Variants in CTNND2 observed in about 807,000 individuals in gnomAD.
CTNND2 encodes catenin delta 2.
A neutral mutation model predicts 144.4 loss-of-function variants in CTNND2; 22 were observed. The observed-to-expected ratio is 0.15, with a 90% CI of 0.11 to 0.22. The LOEUF is 0.22. CTNND2 is among the 10% of genes least tolerant of loss of function. The pLI is 1.00. For missense variants in CTNND2, 1,353 were observed against 1,618.8 expected, an observed-to-expected ratio of 0.84 and a Z score of 2.82; for synonymous variants, 751 against 695.6, an observed-to-expected ratio of 1.08 and a Z score of -1.25.
intron 1 of CTNND2, among the ~76,000 whole-genome samples, chr5:11,775,025 T>C (rs1452737629): frequency 6.6e-6 from 1 of 152,106 alleles, no homozygotes; most frequent in African/African-American, 2.4e-5. Flanking sequence ...ATAGTCACAG[T>C]CATCAAAGAC....
At chr5:11,893,220 C>A (rs908717824) in intron 1 of CTNND2, among the ~76,000 whole-genome samples, 1 of 152,084 alleles carries the variant, frequency 6.6e-6, no homozygotes, top group African/African-American at 2.4e-5. Context: ...AGAATCGGCA[C>A]ATGGAGAAAG....
chr5:11,346,150 T>C (rs1298684802), intron 9 of CTNND2, among the ~76,000 whole-genome samples: 1 of 152,162 alleles, frequency 6.6e-6, no homozygotes, highest in East Asian at 1.9e-4. Context: ...CACATATAGA[T>C]ACTCTGATCA....
intron 9 of CTNND2, among the ~76,000 whole-genome samples, chr5:11,339,929 T>C (rs1475439010): frequency 6.6e-6 from 1 of 152,230 alleles, no homozygotes; most frequent in East Asian, 1.9e-4. Flanking sequence ...AAGAAATTAA[T>C]ACACTATGGT....
intron 1 of CTNND2, among the ~76,000 whole-genome samples, chr5:11,819,970 G>C (rs1006183967): frequency 6.6e-6 from 1 of 152,170 alleles, no homozygotes; most frequent in African/African-American, 2.4e-5. Flanking sequence ...TCAGCCTTTA[G>C]CTTTCTCCTG....
chr5:11,355,506 G>A (rs771301190), intron 8 of CTNND2, among the ~76,000 whole-genome samples: 1 of 151,974 alleles, frequency 6.6e-6, no homozygotes, highest in African/African-American at 2.4e-5. Flanking sequence ...ATTAGGTATA[G>A]AAAGTGTGTA....
At chr5:11,805,758 A>G (rs1378912446) in intron 1 of CTNND2, among the ~76,000 whole-genome samples, 1 of 152,176 alleles carries the variant, frequency 6.6e-6, no homozygotes, top group Non-Finnish European at 1.5e-5. Flanking sequence ...CGTAACTCAC[A>G]TAGAACATAG....
At chr5:11,412,542 T>A (rs555957535) in intron 3 of CTNND2, among the ~76,000 whole-genome samples, 1 of 152,116 alleles carries the variant, frequency 6.6e-6, no homozygotes, top group African/African-American at 2.4e-5. Flanking sequence ...TTTAAGAGTT[T>A]AAGTAATTTA....
intron 3 of CTNND2, among the ~76,000 whole-genome samples, chr5:11,546,702 G>A (rs964524002): frequency 6.6e-6 from 1 of 152,150 alleles, no homozygotes. Context: ...CTGGAAAAAT[G>A]TCTAAATTTC....
At chr5:11,277,159 A>G (rs1217842472) in intron 9 of CTNND2, among the ~76,000 whole-genome samples, 4 of 152,054 alleles carry the variant, frequency 2.6e-5, no homozygotes, top group Admixed American at 2.6e-4. Flanking sequence ...TTTCTTTCCT[A>G]GAGCAGTGAG....
intron 11 of CTNND2, among the ~76,000 whole-genome samples, chr5:11,173,335 A>G (rs1760126196): frequency 1.3e-5 from 2 of 152,152 alleles, no homozygotes; most frequent in Admixed American, 6.5e-5. Flanking sequence ...ACGGCTCCCA[A>G]TTTTCCCAAG....
At chr5:11,269,963 G>C (rs1173626214) in intron 9 of CTNND2, among the ~76,000 whole-genome samples, 2 of 152,120 alleles carry the variant, frequency 1.3e-5, no homozygotes, top group Non-Finnish European at 2.9e-5. Flanking sequence ...TTAATCACAT[G>C]ACAATTATTT....
At chr5:11,879,442 G>C (rs78215280) in intron 1 of CTNND2, among the ~76,000 whole-genome samples, 3,871 of 149,114 alleles carry the variant, frequency 0.026, 85 homozygotes, top group African/African-American at 0.053. Flanking sequence ...AGTTTGATTT[G>C]CCTTTTCTTA....
chr5:11,144,477 G>C (rs573269144), intron 12 of CTNND2, among the ~76,000 whole-genome samples: 1 of 152,252 alleles, frequency 6.6e-6, no homozygotes, highest in Admixed American at 6.5e-5. Flanking sequence ...GGACTCACCT[G>C]TGCTTCCTCT....
At chr5:11,379,563 T>C (rs909548568) in intron 7 of CTNND2, among the ~76,000 whole-genome samples, 1 of 151,914 alleles carries the variant, frequency 6.6e-6, no homozygotes, top group Admixed American at 6.6e-5. Context: ...TCTTAATTTA[T>C]TAAAAAAAAA....
chr5:11,599,084 A>G (rs982483111), intron 2 of CTNND2, among the ~76,000 whole-genome samples: 1 of 152,152 alleles, frequency 6.6e-6, no homozygotes, highest in Non-Finnish European at 1.5e-5. Context: ...CTATCACAAG[A>G]CAGCACCAGG....
At chr5:11,113,457 T>C (rs1753209953) in intron 13 of CTNND2, among the ~76,000 whole-genome samples, 1 of 152,168 alleles carries the variant, frequency 6.6e-6, no homozygotes, top group African/African-American at 2.4e-5. Context: ...TGAGACAGTA[T>C]GGCCCGCAAC....
At chr5:11,235,391 C>A (rs1354635727) in intron 10 of CTNND2, among the ~76,000 whole-genome samples, 2 of 152,188 alleles carry the variant, frequency 1.3e-5, no homozygotes, top group African/African-American at 4.8e-5. Flanking sequence ...TAGAGAATGA[C>A]TAAGTTAACA....
intron 9 of CTNND2, among the ~76,000 whole-genome samples, chr5:11,240,796 CCA>C (rs1277004134): frequency 2.3e-4 from 31 of 132,854 alleles, no homozygotes; most frequent in Non-Finnish European, 4.4e-4. Flanking sequence ...CCCCCAACCC[CCA>C]CACACCCAAC....
intron 2 of CTNND2, among the ~76,000 whole-genome samples, chr5:11,709,749 T>C (rs935970868): frequency 6.6e-6 from 1 of 152,192 alleles, no homozygotes; most frequent in African/African-American, 2.4e-5. Context: ...AAGTATAAGG[T>C]TGGACTCCTT....
Sources: gnomAD v4.1 joint callset for allele counts (sites outside exome capture counted in the v4.1 genomes callset) on GRCh38, gnomAD v4.1.1 for gene constraint, MANE v1.5 for transcripts, NCBI Gene and HGNC (gene_info 2026-07-23, HGNC 2026-07-21) for gene names.